Variants in TTC7A observed in about 807,000 individuals in gnomAD.
The protein encoded by TTC7A is tetratricopeptide repeat domain 7A.
A neutral mutation model predicts 103.7 loss-of-function variants in TTC7A; 110 were observed. That is an observed-to-expected ratio of 1.06 (90% CI 0.91 to 1.24). The LOEUF (loss-of-function observed/expected upper bound fraction) is 1.24. Ranked by LOEUF, TTC7A falls within the 50% of genes most tolerant of loss-of-function variation. The pLI is 0.00. For missense variants in TTC7A, 1,340 were observed against 1,116.3 expected (o/e 1.20, Z -2.86); for synonymous variants, 521 against 467.9 (o/e 1.11, Z -1.47).
intron 8 of TTC7A, chr2:46,999,443 A>C: frequency 1.0e-6 from 1 of 979,544 alleles, no homozygotes. Flanking sequence ...TCATCCATTC[A>C]TCTGTCTATC....
chr2:46,993,583 A>AC, intron 6 of TTC7A, 55 bp downstream of exon 6: 1 of 1,545,366 alleles, frequency 6.5e-7, no homozygotes, highest in Middle Eastern at 1.8e-4. Context: ...TTGGTGGGAG[A>AC]CAACAGAAGT....
At chr2:46,974,565 G>A (rs1340666585) in intron 3 of TTC7A, 1 of 431,030 alleles carries the variant, frequency 2.3e-6, no homozygotes, top group Non-Finnish European at 4.6e-6. Flanking sequence ...CTGGTGAAGG[G>A]AAGGTAAAGG....
At chr2:47,013,171 A>G (rs72872941) in intron 11 of TTC7A, among the ~76,000 whole-genome samples, 3,317 of 152,292 alleles carry the variant, frequency 0.022, 110 homozygotes, top group African/African-American at 0.074. Flanking sequence ...AGGCAGCCTC[A>G]GACTGAACTG....
At chr2:46,941,203 C>T (rs1670318828), upstream of TTC7A, 1 of 147,788 alleles carries the variant, frequency 6.8e-6, no homozygotes, top group South Asian at 1.8e-4. The surrounding 1 kb of genome is among the most constrained non-coding windows in gnomAD (Gnocchi z 4.2). Context: ...GCTGGCGGCG[C>T]CGGGGCCCGG....
intron 1 of TTC7A, among the ~76,000 whole-genome samples, chr2:46,942,530 G>C (rs772928542): frequency 5.9e-5 from 9 of 152,286 alleles, no homozygotes; most frequent in Non-Finnish European, 1.3e-4. Flanking sequence ...GCTCTGAGAG[G>C]GACAGATCGT....
intron 19 of TTC7A, among the ~76,000 whole-genome samples, chr2:47,071,551 C>T: frequency 6.6e-6 from 1 of 152,356 alleles, no homozygotes; most frequent in South Asian, 2.1e-4. Flanking sequence ...AGGACTGTTT[C>T]ATTGCTTTGG....
At chr2:47,026,932 G>T (rs972636459) in intron 14 of TTC7A, among the ~76,000 whole-genome samples, 1 of 152,200 alleles carries the variant, frequency 6.6e-6, no homozygotes, top group African/African-American at 2.4e-5. Flanking sequence ...GAGCAGGAGA[G>T]GGTGTTTATC....
rs781128921 is a variant in TTC7A at position 47,060,981 on chromosome 2, A to G, written c.2355+10A>G. On this transcript the variant is annotated intron_variant, in intron 19 of 19. Transcript: ENST00000319190. ...CATCATGCATAGCCTGGTGAGTCAG[A>G]GCCCCCCGCGCTCCCACCACCTCCT... 6.3e-7 allele frequency: 1 copy of G among 1,586,926 alleles called. No homozygotes were observed.
In TTC7A at chr2:47,012,144, T is replaced by G. The variant is rs148332447; in HGVS notation, c.1392+709T>G. ...TGTAGTCCTCCTGCCCTGGGCCTAC[T>G]CGGATGCTGCTCCAGGCCTATGGGG... On this transcript the variant is annotated intron_variant, in intron 11 of 19. Transcript: ENST00000319190. Among the ~76,000 whole-genome samples the G allele has an allele frequency of 4.5e-3, 692 of 152,356 alleles. 8 individuals carry two copies. The highest frequency in any genetic ancestry group is 0.015 in the African/African-American group (642 of 41,588).
chr2:46,935,283 T>C (rs1669921634), intron 2 of TTC7A, among the ~76,000 whole-genome samples: 1 of 152,172 alleles, frequency 6.6e-6, no homozygotes, highest in Non-Finnish European at 1.5e-5. Context: ...TCTTTCATCC[T>C]GAGCCCAGGA....
intron 3 of TTC7A, among the ~76,000 whole-genome samples, chr2:46,960,495 G>C (rs1474494704): frequency 6.6e-6 from 1 of 152,310 alleles, no homozygotes; most frequent in African/African-American, 2.4e-5. Flanking sequence ...GTAGGGGGAT[G>C]GGGGGAAGCA....
At chr2:46,999,885 G>A in intron 8 of TTC7A, 1 of 985,418 alleles carries the variant, frequency 1.0e-6, no homozygotes, top group African/African-American at 1.7e-5. Context: ...TTGAGAGTGG[G>A]GTGGATAGGT....
At chr2:47,002,981 G>GTGC (rs201758168) in intron 8 of TTC7A, among the ~76,000 whole-genome samples, 1 of 152,110 alleles carries the variant, frequency 6.6e-6, no homozygotes, top group Non-Finnish European at 1.5e-5. Flanking sequence ...CTGAGGATTT[G>GTGC]TGCTGCTGCT....
At chr2:47,049,106 C>T (rs1471995403) in intron 16 of TTC7A, among the ~76,000 whole-genome samples, 2 of 152,156 alleles carry the variant, frequency 1.3e-5, no homozygotes, top group East Asian at 1.9e-4. Flanking sequence ...GGATCATCAT[C>T]TTGGTGCTTC....
chr2:46,984,716 T>G (rs970332580), intron 5 of TTC7A, among the ~76,000 whole-genome samples: 2 of 152,124 alleles, frequency 1.3e-5, no homozygotes, highest in African/African-American at 4.8e-5. Flanking sequence ...ATGTGCTTGG[T>G]GTACAGTGCT....
At chr2:47,070,944 C>T (rs1684632192) in intron 19 of TTC7A, among the ~76,000 whole-genome samples, 1 of 152,216 alleles carries the variant, frequency 6.6e-6, no homozygotes, top group East Asian at 1.9e-4. Context: ...ATCTGGTCTC[C>T]TCTCTCAGCG....
At chr2:47,073,238 C>T (rs1056784124) in intron 19 of TTC7A, among the ~76,000 whole-genome samples, 6 of 152,202 alleles carry the variant, frequency 3.9e-5, no homozygotes, top group Non-Finnish European at 4.4e-5. Context: ...AGGACTGAGA[C>T]GCATGGCCCC....
At chr2:46,953,771 C>T (rs562569398) in intron 2 of TTC7A, among the ~76,000 whole-genome samples, 2 of 152,132 alleles carry the variant, frequency 1.3e-5, no homozygotes, top group Admixed American at 1.3e-4. Flanking sequence ...AAGGAACCTT[C>T]TGCAACGGTA....
chr2:46,969,984 C>T (rs1287674342), intron 3 of TTC7A, among the ~76,000 whole-genome samples: 3 of 152,130 alleles, frequency 2.0e-5, no homozygotes, highest in Admixed American at 2.0e-4. Context: ...GAAGAGGTGG[C>T]TTTGCTTTGA....
Sources: gnomAD v4.1 joint callset for allele counts (sites outside exome capture counted in the v4.1 genomes callset) on GRCh38, gnomAD v4.1.1 for gene constraint, Gnocchi (gnomAD v3.1) non-coding constraint, MANE v1.5 for transcripts, NCBI Gene and HGNC (gene_info 2026-07-23, HGNC 2026-07-21) for gene names.